Variants in DNER observed in about 807,000 individuals in gnomAD.
DNER encodes delta/notch like EGF repeat containing.
A neutral mutation model predicts 78.2 loss-of-function variants in DNER; 33 were observed. That is an observed-to-expected ratio of 0.42 (90% confidence interval 0.32 to 0.56). DNER has a LOEUF of 0.56. Among genes scored for constraint, DNER ranks in the 20% least tolerant of loss-of-function variants. DNER has a pLI of 0.11. For missense variants in DNER, 918 were observed against 975.3 expected, an observed-to-expected ratio of 0.94 and a Z score of 0.78; for synonymous variants, 417 against 384.8, an observed-to-expected ratio of 1.08 and a Z score of -0.98.
intron 1 of DNER, among the ~76,000 whole-genome samples, chr2:229,696,420 G>T (rs979062236): frequency 6.6e-6 from 1 of 152,194 alleles, no homozygotes; most frequent in Non-Finnish European, 1.5e-5. Flanking sequence ...CAAACCCTGT[G>T]CTGTTGCTTA....
intron 12 of DNER, among the ~76,000 whole-genome samples, chr2:229,359,527 C>T (rs1002888865): frequency 7.4e-4 from 112 of 152,300 alleles, no homozygotes; most frequent in African/African-American, 2.6e-3. Context: ...CCTCCCTCCT[C>T]CTTTGTCTGG....
intron 1 of DNER, among the ~76,000 whole-genome samples, chr2:229,628,964 C>T (rs1031134026): frequency 2.6e-5 from 4 of 152,190 alleles, no homozygotes; most frequent in African/African-American, 9.6e-5. Flanking sequence ...AATACCAACA[C>T]CCCCTCACCC....
intron 1 of DNER, among the ~76,000 whole-genome samples, chr2:229,703,404 TG>T (rs1276889665): frequency 6.6e-6 from 1 of 152,168 alleles, no homozygotes; most frequent in Non-Finnish European, 1.5e-5. Context: ...GATCTTAAAA[TG>T]GGTCAAAGAC....
intron 5 of DNER, among the ~76,000 whole-genome samples, chr2:229,529,327 T>C (rs1696262572): frequency 6.6e-6 from 1 of 152,188 alleles, no homozygotes; most frequent in Non-Finnish European, 1.5e-5. Context: ...AAGTTTCCAC[T>C]GTCTGTGGTT....
At chr2:229,368,962 A>G (rs73096251) in intron 11 of DNER, among the ~76,000 whole-genome samples, 4,738 of 152,324 alleles carry the variant, frequency 0.031, 103 homozygotes, top group African/African-American at 0.066. Context: ...TATGCAATAC[A>G]TTATTTAAAG....
intron 3 of DNER, chr2:229,587,041 C>CT: frequency 5.2e-6 from 5 of 967,948 alleles, no homozygotes; most frequent in Non-Finnish European, 6.1e-6. Context: ...CGTTCTGCAG[C>CT]TTAAGGGAGT....
chr2:229,363,534 GAGA>G (rs1225839307), intron 12 of DNER, among the ~76,000 whole-genome samples: 3 of 152,220 alleles, frequency 2.0e-5, no homozygotes, highest in East Asian at 1.9e-4. Context: ...ACGTTCAGAA[GAGA>G]AGTTTTCCTA....
At chr2:229,705,397 C>T (rs956833160) in intron 1 of DNER, among the ~76,000 whole-genome samples, 1 of 152,226 alleles carries the variant, frequency 6.6e-6, no homozygotes, top group South Asian at 2.1e-4. Context: ...GATTTCATTT[C>T]TCAAATCCTG....
Position 229,477,464 on chromosome 2 carries a change from C to T in DNER, c.1148-211G>A, listed in dbSNP as rs548256547. 3.9e-5 allele frequency among the ~76,000 whole-genome samples: 6 copies of T among 152,316 alleles called. No homozygotes were observed. In the East Asian group the frequency reaches 1.2e-3, roughly 29 times the overall value. On this transcript the variant is annotated intron_variant, in intron 6 of 12. Coordinates refer to ENST00000341772, the MANE Select transcript of DNER (RefSeq NM_139072.4). ...AGAGTCATAGTTCAAAAATCGTTTA[C>T]TCTGCAAAAATCTTTATTGCAAGAA...
chr2:229,561,405 T>G (rs1696957594), intron 4 of DNER, among the ~76,000 whole-genome samples: 1 of 152,184 alleles, frequency 6.6e-6, no homozygotes, highest in Non-Finnish European at 1.5e-5. Flanking sequence ...ATTGGCTTAT[T>G]CTCAACAAAC....
rs562397901 is a variant in DNER, at chr2:229,531,756, C to A, written c.993+15191G>T. Among the ~76,000 whole-genome samples the A allele has an allele frequency of 2.0e-5, 3 of 152,294 alleles. No individual in the cohort carries two copies. In the East Asian group the frequency reaches 5.8e-4, roughly 29 times the overall value. ...CCACAATAGCCAAAGGTAGAAACAA[C>A]CCAAATGTCTATCGGTGATAAATGG... On this transcript the variant is annotated intron_variant, in intron 5 of 12. Transcript: ENST00000341772.
intron 1 of DNER, among the ~76,000 whole-genome samples, chr2:229,625,357 T>C (rs1360907708): frequency 6.6e-6 from 1 of 152,170 alleles, no homozygotes; most frequent in Non-Finnish European, 1.5e-5. Flanking sequence ...TGCTTCCCGA[T>C]TCCACTCCCT....
intron 4 of DNER, among the ~76,000 whole-genome samples, chr2:229,554,941 AAAGGGAAGGG>A (rs71045716): frequency 0.012 from 298 of 25,574 alleles, 8 homozygotes; most frequent in Non-Finnish European, 0.014. Flanking sequence ...AGAAGAGAGA[AAAGGGAAGGG>A]AAGGGAAGGG....
chr2:229,365,351 A>G (rs1260669846), intron 12 of DNER, among the ~76,000 whole-genome samples: 1 of 152,224 alleles, frequency 6.6e-6, no homozygotes, highest in African/African-American at 2.4e-5. Context: ...AGATAATAAA[A>G]AGTCCTTGAT....
chr2:229,531,118 A>ATG (rs1470274774), intron 5 of DNER, among the ~76,000 whole-genome samples: 2 of 152,174 alleles, frequency 1.3e-5, no homozygotes, highest in African/African-American at 4.8e-5. Context: ...CTCTCAGACA[A>ATG]AGCATAACCT....
At chr2:229,539,360 G>A (rs1559160848) in intron 5 of DNER, among the ~76,000 whole-genome samples, 1 of 152,190 alleles carries the variant, frequency 6.6e-6, no homozygotes, top group African/African-American at 2.4e-5. Context: ...ACAGAGGAGA[G>A]CATCAAAGAT....
rs554686087 is a variant in DNER at position 229,542,245 on chromosome 2, T to C, written c.993+4702A>G. On this transcript the variant is annotated intron_variant, in intron 5 of 12. Transcript: ENST00000341772. ...AAGTTCAGAGAGAGATCTAAAGCTTTTTTTAAGCAGAAGGAAAGATCAGAA... is the reference window on the plus strand; with the variant it reads ...AAGTTCAGAGAGAGATCTAAAGCTTCTTTTAAGCAGAAGGAAAGATCAGAA... Among the ~76,000 whole-genome samples, 4 of 152,166 alleles carry C rather than the reference T, an allele frequency of 2.6e-5. No individual in the cohort carries two copies. The South Asian group carries it at 8.3e-4, about 32-fold the overall frequency.
intron 7 of DNER, among the ~76,000 whole-genome samples, chr2:229,457,767 C>G (rs537512238): frequency 1.1e-3 from 146 of 128,914 alleles, no homozygotes; most frequent in African/African-American, 4.1e-3. Context: ...GATTGTCAGA[C>G]TTTATTTGGA....
At chr2:229,560,678 C>T (rs1303754097) in intron 4 of DNER, among the ~76,000 whole-genome samples, 1 of 152,130 alleles carries the variant, frequency 6.6e-6, no homozygotes, top group East Asian at 1.9e-4. Flanking sequence ...GGAAACAAAA[C>T]TGGAGAAATA....
Sources: allele counts gnomAD v4.1 joint callset (sites outside exome capture counted in the v4.1 genomes callset), GRCh38; gene constraint gnomAD v4.1.1; transcripts MANE v1.5; gene names NCBI Gene and HGNC (gene_info 2026-07-23, HGNC 2026-07-21).